Variants in DPH6 observed in about 807,000 individuals in gnomAD.
DPH6 encodes diphthine--ammonia ligase.
DPH6 carries 33 observed loss-of-function variants against 38.2 expected under a neutral mutation model. The ratio of observed to expected loss-of-function variants is 0.86; its 90% confidence interval spans 0.65 to 1.15. DPH6 has a LOEUF of 1.15. DPH6 is among the 50% of genes most tolerant of loss of function. The probability of loss-of-function intolerance (pLI) is 0.00; values close to 1 mark genes in which losing one functional copy is unlikely to be tolerated. For missense variants in DPH6, 325 were observed against 320.0 expected, an observed-to-expected ratio of 1.02 and a Z score of -0.12; for synonymous variants, 108 against 103.0, an observed-to-expected ratio of 1.05 and a Z score of -0.30.
chr15:35,272,098 A>G (rs1719672948), intron 3 of DPH6, among the ~76,000 whole-genome samples: 2 of 152,238 alleles, frequency 1.3e-5, no homozygotes, highest in Admixed American at 1.3e-4. Flanking sequence ...CCAACCACAG[A>G]TCAAAAATAT....
intron 3 of DPH6, among the ~76,000 whole-genome samples, chr15:35,263,437 A>T (rs1410531315): frequency 2.3e-5 from 3 of 128,942 alleles, no homozygotes; most frequent in Non-Finnish European, 4.7e-5. Context: ...ACAGGGTCTC[A>T]CTCTCTCGCC....
chr15:35,334,646 A>G (rs2052353835), intron 3 of DPH6, among the ~76,000 whole-genome samples: 1 of 151,858 alleles, frequency 6.6e-6, no homozygotes, highest in African/African-American at 2.4e-5. Flanking sequence ...ACAAATAAGA[A>G]CATGCAGTGT....
At chr15:35,168,532 G>C in the DPH6 span, among the ~76,000 whole-genome samples, 4 of 151,956 alleles carry the variant, frequency 2.6e-5, no homozygotes, top group African/African-American at 4.8e-5. Context: ...TTAGGGCCTT[G>C]GAGACTTTTA....
At chr15:35,191,661 T>C in the DPH6 span, among the ~76,000 whole-genome samples, 1 of 152,222 alleles carries the variant, frequency 6.6e-6, no homozygotes, top group African/African-American at 2.4e-5. Flanking sequence ...TTACTGTTTT[T>C]TGAATAGACA....
intron 3 of DPH6, among the ~76,000 whole-genome samples, chr15:35,515,044 A>G (rs1219219108): frequency 6.6e-6 from 1 of 152,148 alleles, no homozygotes; most frequent in Non-Finnish European, 1.5e-5. Flanking sequence ...AGTCTTTAAG[A>G]CAGACACTGT....
chr15:35,434,719 G>A (rs1231684208), intron 5 of DPH6, among the ~76,000 whole-genome samples: 1 of 152,042 alleles, frequency 6.6e-6, no homozygotes, highest in African/African-American at 2.4e-5. Context: ...CAATAAAGAT[G>A]AAAAAATATA....
At chr15:35,274,753 C>T (rs532683866) in intron 3 of DPH6, among the ~76,000 whole-genome samples, 4 of 152,104 alleles carry the variant, frequency 2.6e-5, no homozygotes, top group South Asian at 4.2e-4. Flanking sequence ...CAGATACTGG[C>T]GAGGCTGTGG....
At chr15:35,380,764 T>TAA (rs2140937328) in intron 7 of DPH6, among the ~76,000 whole-genome samples, 1 of 152,296 alleles carries the variant, frequency 6.6e-6, no homozygotes, top group African/African-American at 2.4e-5. Flanking sequence ...ATGACTTATT[T>TAA]TTTACCACCT....
At chr15:35,360,072 G>A (rs2052600810) in intron 3 of DPH6, among the ~76,000 whole-genome samples, 2 of 152,188 alleles carry the variant, frequency 1.3e-5, no homozygotes, top group South Asian at 4.2e-4. Flanking sequence ...ATGTTTGCTT[G>A]ATTTTTTGCA....
At chr15:35,248,506 A>C (rs995039900) in intron 3 of DPH6, among the ~76,000 whole-genome samples, 1 of 152,116 alleles carries the variant, frequency 6.6e-6, no homozygotes, top group African/African-American at 2.4e-5. Flanking sequence ...ACCTCAGTCT[A>C]TTACTATTAG....
chr15:35,432,056 A>G (rs1405758786), intron 5 of DPH6, among the ~76,000 whole-genome samples: 1 of 152,168 alleles, frequency 6.6e-6, no homozygotes, highest in Admixed American at 6.5e-5. Context: ...CATATAATAA[A>G]TATGTATTCA....
intron 3 of DPH6, among the ~76,000 whole-genome samples, chr15:35,229,689 A>G (rs1300754073): frequency 6.6e-6 from 1 of 152,136 alleles, no homozygotes; most frequent in Non-Finnish European, 1.5e-5. Flanking sequence ...ATAGTTCTTT[A>G]GAAGGCTTTC....
At chr15:35,540,462 T>C (rs953484594) in intron 2 of DPH6, among the ~76,000 whole-genome samples, 9 of 152,060 alleles carry the variant, frequency 5.9e-5, no homozygotes, top group South Asian at 2.1e-4. Flanking sequence ...ATAACACTCA[T>C]AGGAAAATAA....
At chr15:35,476,783 T>C (rs2054269268) in intron 3 of DPH6, among the ~76,000 whole-genome samples, 1 of 151,850 alleles carries the variant, frequency 6.6e-6, no homozygotes, top group Admixed American at 6.6e-5. Context: ...CAAAGTGTAT[T>C]ATAAGTAACA....
intron 7 of DPH6, among the ~76,000 whole-genome samples, chr15:35,380,612 T>C (rs2052851970): frequency 6.6e-6 from 1 of 152,176 alleles, no homozygotes; most frequent in Non-Finnish European, 1.5e-5. Context: ...TCTACTATAA[T>C]TTCACACTAG....
intron 5 of DPH6, among the ~76,000 whole-genome samples, chr15:35,444,810 A>T (rs2053830105): frequency 6.6e-6 from 1 of 152,132 alleles, no homozygotes. Flanking sequence ...TGGATTAGCA[A>T]ATCCTTTTCA....
intron 5 of DPH6, among the ~76,000 whole-genome samples, chr15:35,416,446 A>G (rs1281699614): frequency 5.3e-5 from 8 of 152,054 alleles, no homozygotes; most frequent in Non-Finnish European, 5.9e-5. Flanking sequence ...TCATGAGGTG[A>G]TACTATTTAA....
At chr15:35,479,762 C>CAAGA (rs1340895525) in intron 3 of DPH6, among the ~76,000 whole-genome samples, 1 of 152,068 alleles carries the variant, frequency 6.6e-6, no homozygotes, top group East Asian at 1.9e-4. Context: ...TACACTCTCT[C>CAAGA]TCTTAACTCT....
At chr15:35,287,399 G>T (rs1483058210) in intron 3 of DPH6, among the ~76,000 whole-genome samples, 4 of 152,104 alleles carry the variant, frequency 2.6e-5, no homozygotes, top group Non-Finnish European at 4.4e-5. Context: ...AACATTATTT[G>T]CAGTTACTTT....
Sources: allele counts gnomAD v4.1 joint callset (sites outside exome capture counted in the v4.1 genomes callset), GRCh38; gene constraint gnomAD v4.1.1; transcripts MANE v1.5; gene names NCBI Gene and HGNC (gene_info 2026-07-23, HGNC 2026-07-21).